The following XKR6 variants were observed in gnomAD, a reference collection of about 807,000 sequenced individuals.
XKR6 encodes XK-related protein 6.
A neutral mutation model predicts 56.7 loss-of-function variants in XKR6; 22 were observed. That is an observed-to-expected ratio of 0.39 (90% confidence interval 0.28 to 0.55). The LOEUF is 0.55. Ranked by LOEUF, XKR6 falls within the 20% of genes least tolerant of loss-of-function variation. The pLI, the probability that XKR6 is intolerant of heterozygous loss-of-function variation, is 0.66. For missense variants in XKR6, 852 were observed against 889.0 expected, an observed-to-expected ratio of 0.96 and a Z score of 0.53; for synonymous variants, 524 against 387.8, an observed-to-expected ratio of 1.35 and a Z score of -4.13.
Position 11,185,628 on chromosome 8 carries a change from A to G in XKR6, c.764+14948T>C, listed in dbSNP as rs201942438. Among the ~76,000 whole-genome samples the G allele has an allele frequency of 1.4e-4, 21 of 152,344 alleles. No individual in the cohort carries two copies. In the East Asian group the frequency reaches 1.9e-3, roughly 14 times the overall value. ...GAGATGGCACCCAATAAAGTCTCCA[A>G]TGATGGGACATGATTTTGAAAGAGT... On this transcript the variant is annotated intron_variant, in intron 1 of 2. Coordinates refer to ENST00000416569, the MANE Select transcript of XKR6 (RefSeq NM_173683.4).
intron 1 of XKR6, among the ~76,000 whole-genome samples, chr8:11,111,008 A>ATTTTTTT (rs58233543): frequency 8.8e-6 from 1 of 114,216 alleles, no homozygotes; most frequent in Non-Finnish European, 1.8e-5. Context: ...GGCTTTTTCT[A>ATTTTTTT]TTTTTTTTTT....
chr8:11,099,903 G>A (rs1798404070), intron 1 of XKR6, among the ~76,000 whole-genome samples: 1 of 152,222 alleles, frequency 6.6e-6, no homozygotes, highest in Non-Finnish European at 1.5e-5. Flanking sequence ...CAGAGATGGA[G>A]CCATAAGCAC....
intron 1 of XKR6, among the ~76,000 whole-genome samples, chr8:11,023,493 G>A (rs567960251): frequency 2.0e-5 from 3 of 152,272 alleles, no homozygotes; most frequent in South Asian, 4.1e-4. Flanking sequence ...CAAACTCCTG[G>A]GCTCAAGGGA....
intron 1 of XKR6, among the ~76,000 whole-genome samples, chr8:11,101,125 C>A (rs1396533623): frequency 1.3e-5 from 2 of 152,238 alleles, no homozygotes; most frequent in Non-Finnish European, 2.9e-5. Context: ...AATTCTAGTA[C>A]TGTGCACCTC....
chr8:11,037,253 G>T (rs138715370), intron 1 of XKR6, among the ~76,000 whole-genome samples: 1 of 151,970 alleles, frequency 6.6e-6, no homozygotes, highest in African/African-American at 2.4e-5. Flanking sequence ...TTTAAGACAG[G>T]GTCTCACTCT....
At chr8:11,191,530 C>G (rs1378156678) in intron 1 of XKR6, among the ~76,000 whole-genome samples, 1 of 152,074 alleles carries the variant, frequency 6.6e-6, no homozygotes, top group Admixed American at 6.5e-5. Context: ...ATGAAGAAAG[C>G]AGTACTTCTG....
chr8:11,113,086 T>A (rs1798986389), intron 1 of XKR6, among the ~76,000 whole-genome samples: 1 of 152,162 alleles, frequency 6.6e-6, no homozygotes, highest in Non-Finnish European at 1.5e-5. Flanking sequence ...TGAAATTTAA[T>A]TTTCTCACCA....
At chr8:10,952,286 G>A (rs557196026) in intron 1 of XKR6, among the ~76,000 whole-genome samples, 78 of 152,266 alleles carry the variant, frequency 5.1e-4, no homozygotes, top group Non-Finnish European at 9.6e-4. Context: ...GCCAGTCAGG[G>A]TAGAAAGAGG....
rs12216873 is a variant in XKR6 at position 11,011,290 on chromosome 8, C to T, written c.765-86460G>A. Among the ~76,000 whole-genome samples the T allele has an allele frequency of 1.2e-4, 18 of 152,308 alleles. 1 individual carries two copies. The highest frequency in any genetic ancestry group is 4.3e-4 in the African/African-American group (18 of 41,554). ...GCACGCAGGAGAGGCACAGGAACCA[C>T]CAGAAAGGAAGCCCTTCTTGGGGTG... On this transcript the variant is annotated intron_variant, in intron 1 of 2. Transcript: ENST00000416569.
At chr8:11,029,760 T>C (rs186563138) in intron 1 of XKR6, among the ~76,000 whole-genome samples, 2 of 152,188 alleles carry the variant, frequency 1.3e-5, no homozygotes, top group East Asian at 3.9e-4. Context: ...CACTTGCCCT[T>C]TAGCCAGTCC....
intron 1 of XKR6, among the ~76,000 whole-genome samples, chr8:11,185,073 C>T (rs901454271): frequency 1.3e-5 from 2 of 152,102 alleles, no homozygotes; most frequent in Non-Finnish European, 2.9e-5. Context: ...GGTTTATTAA[C>T]GCATTTACCT....
chr8:11,062,004 C>T (rs926591469), intron 1 of XKR6, among the ~76,000 whole-genome samples: 1 of 152,240 alleles, frequency 6.6e-6, no homozygotes, highest in Non-Finnish European at 1.5e-5. Flanking sequence ...GAAACCAGGA[C>T]AGTGACTGGC....
intron 1 of XKR6, among the ~76,000 whole-genome samples, chr8:11,023,054 C>T (rs1798781913): frequency 6.6e-6 from 1 of 152,216 alleles, no homozygotes; most frequent in South Asian, 2.1e-4. Context: ...TTTGCTCAAA[C>T]TCCAGACCAA....
At chr8:11,054,446 C>A (rs547748556) in intron 1 of XKR6, among the ~76,000 whole-genome samples, 1 of 152,190 alleles carries the variant, frequency 6.6e-6, no homozygotes, top group Non-Finnish European at 1.5e-5. Flanking sequence ...TATGCAATGT[C>A]CTGGGGAGGG....
At chr8:10,909,789 G>A (rs762875389) in intron 2 of XKR6, among the ~76,000 whole-genome samples, 5 of 152,174 alleles carry the variant, frequency 3.3e-5, no homozygotes, top group Admixed American at 6.5e-5. Flanking sequence ...GTTTCAGTGC[G>A]TCAGACATTA....
chr8:10,913,437 C>G (rs1448897161), intron 2 of XKR6, among the ~76,000 whole-genome samples: 2 of 152,102 alleles, frequency 1.3e-5, no homozygotes, highest in Non-Finnish European at 2.9e-5. Context: ...CGTGAGTGCC[C>G]TGGGAGACAC....
chr8:11,103,044 TAA>T (rs1227899664), intron 1 of XKR6, among the ~76,000 whole-genome samples: 3 of 152,208 alleles, frequency 2.0e-5, no homozygotes, highest in African/African-American at 7.2e-5. Flanking sequence ...TGCCAGAATT[TAA>T]GATTGATATA....
intron 1 of XKR6, among the ~76,000 whole-genome samples, chr8:11,147,743 G>A (rs1488786973): frequency 1.3e-5 from 2 of 151,920 alleles, no homozygotes; most frequent in East Asian, 1.9e-4. Context: ...GCAAATTAAG[G>A]AGATGCCATT....
chr8:11,128,134 A>G lies in XKR6; in HGVS notation c.764+72442T>C, dbSNP rs897817263. ...ACAAATTAGCTAGAATGAAGTTAATACGTAAAGGACAATCTGAATGTTTGG... is the reference window on the plus strand; with the variant it reads ...ACAAATTAGCTAGAATGAAGTTAATGCGTAAAGGACAATCTGAATGTTTGG... On this transcript the variant is annotated intron_variant, in intron 1 of 2. Transcript: ENST00000416569. 7.9e-5 allele frequency among the ~76,000 whole-genome samples: 12 copies of G among 152,250 alleles called. 1 individual carries two copies. Among genetic ancestry groups the G allele is most frequent in the African/African-American group, 2.9e-4 (12 of 41,470 alleles).
Sources: allele counts gnomAD v4.1 joint callset (sites outside exome capture counted in the v4.1 genomes callset), GRCh38; gene constraint gnomAD v4.1.1; transcripts MANE v1.5; gene names NCBI Gene and HGNC (gene_info 2026-07-23, HGNC 2026-07-21).